The following MTX3 variants were observed in gnomAD, a reference collection of about 807,000 sequenced individuals.
The protein encoded by MTX3 is metaxin-3.
Under a neutral mutation model 42.5 loss-of-function variants are expected in MTX3, and 27 were observed. The ratio of observed to expected loss-of-function variants is 0.64; its 90% CI spans 0.47 to 0.88. MTX3 has a LOEUF of 0.88. MTX3 is among the 40% of genes least tolerant of loss of function. The pLI, the probability that MTX3 is intolerant of heterozygous loss-of-function variation, is 0.00. For synonymous variants in MTX3, 144 were observed against 132.9 expected (o/e 1.08, Z -0.57); for missense variants, 378 against 367.0 (o/e 1.03, Z -0.25).
rs767306273 is a variant in MTX3 at position 79,982,296 on chromosome 5, C to T, written c.*1388G>A. 4.3e-5 allele frequency: 18 copies of T among 419,982 alleles called. No homozygotes were observed. The highest frequency in any genetic ancestry group is 7.1e-5 in the Non-Finnish European group (15 of 210,060). 26.0% of individuals were successfully genotyped at this position (419,982 alleles called of 1,614,324 possible). On this transcript the variant is annotated 3_prime_UTR_variant, in exon 9 of 9. Transcript: ENST00000512528. ...TTAAAGACTCTTGTATAAATAACTA[C>T]CTAAATACAGAACAAATTGGGAGGA...
At position 79,980,545 on chromosome 5, in the gene MTX3, C is replaced by T. The variant is rs1831349970; in HGVS notation, c.*3139G>A. 1 of 143,704 alleles carries T rather than the reference C, an allele frequency of 7.0e-6. No homozygotes were observed. The highest frequency in any genetic ancestry group is 1.5e-5 in the Non-Finnish European group (1 of 66,124). 8.9% of individuals were successfully genotyped at this position (143,704 alleles called of 1,614,324 possible). A position where few individuals can be genotyped will look rare whatever the true frequency, so the allele number is the denominator to read the frequency against. On this transcript the variant is annotated 3_prime_UTR_variant, in exon 9 of 9. Coordinates refer to ENST00000512528, the MANE Select transcript of MTX3 (RefSeq NM_001363818.2). Reference sequence around the variant, plus strand: ...GAATGACCACCTTCAATGTTCTTTACAGCTTCTTTAGTGTTACTTAAAAAA... The same window carrying T: ...GAATGACCACCTTCAATGTTCTTTATAGCTTCTTTAGTGTTACTTAAAAAA...
Position 79,982,248 on chromosome 5 carries a change from C to A in MTX3, c.*1436G>T, listed in dbSNP as rs1306259291. 4 of 308,710 alleles carry A rather than the reference C, an allele frequency of 1.3e-5. No homozygotes were observed. The highest frequency in any genetic ancestry group is 2.6e-5 in the Non-Finnish European group (4 of 155,074). The allele number at this position is 308,710 out of a possible 1,614,324, so 19.1% of individuals were successfully genotyped here. ...TTATTTCTCACTTAGTTAAAACTTT[C>A]AAGAAAAAATATTTAGAATGACTTA... On this transcript the variant is annotated 3_prime_UTR_variant, in exon 9 of 9. Coordinates refer to ENST00000512528, the MANE Select transcript of MTX3 (RefSeq NM_001363818.2).
intron 6 of MTX3, among the ~76,000 whole-genome samples, chr5:79,987,424 G>C: frequency 8.7e-6 from 1 of 114,648 alleles, no homozygotes; most frequent in South Asian, 2.8e-4. Flanking sequence ...TGGGCAACAA[G>C]AGCAAGACTC....
chr5:79,988,180 A>T, intron 6 of MTX3, 59 bp downstream of exon 6: 2 of 957,096 alleles, frequency 2.1e-6, no homozygotes, highest in Non-Finnish European at 3.3e-6. Context: ...TGCTTTAAAT[A>T]GCTGCTCACT....
intron 7 of MTX3, chr5:79,986,595 G>A (rs1412882502): frequency 2.6e-6 from 1 of 378,670 alleles, no homozygotes; most frequent in Non-Finnish European, 5.1e-6. Context: ...ATCATTTAAA[G>A]TAATTGTCCA....
In MTX3 at chr5:79,983,802, A is replaced by G. The variant is rs1190298923; in HGVS notation, c.829-8T>C. 1.9e-6 allele frequency: 3 copies of G among 1,593,122 alleles called. No homozygotes were observed. The highest frequency in any genetic ancestry group is 2.6e-6 in the Non-Finnish European group (3 of 1,161,702). ...GCGAAGATTGTCATCCATCTGTAGAAAGTACAAAAGATACATCTGACTAAT... is the reference window on the plus strand; with the variant it reads ...GCGAAGATTGTCATCCATCTGTAGAGAGTACAAAAGATACATCTGACTAAT... On this transcript the variant is annotated splice_region_variant and splice_polypyrimidine_tract_variant and intron_variant, in intron 8 of 8. Transcript: ENST00000512528.
chr5:79,986,946 T>C lies in MTX3; in HGVS notation c.739+4A>G, dbSNP rs1360432544. 3 of 1,611,524 alleles carry C rather than the reference T, an allele frequency of 1.9e-6. No homozygotes were observed. Among genetic ancestry groups the C allele is most frequent in the Non-Finnish European group, 2.5e-6 (3 of 1,178,816 alleles). On this transcript the variant is annotated splice_donor_region_variant and intron_variant, in intron 7 of 8. Transcript: ENST00000512528. ...AAACATTAGCTGAAAAAGAGCCAGC[T>C]TACCTCCAAGACTAAGCCTAAAATA... is the stretch of plus-strand genomic sequence containing the variant.
chr5:79,987,297 G>A (rs1432318625), intron 6 of MTX3, among the ~76,000 whole-genome samples, 190 bp from the exon 7 acceptor site: 4 of 151,736 alleles, frequency 2.6e-5, no homozygotes, highest in East Asian at 1.9e-4. Context: ...AAAAGAAGTC[G>A]GGCGTGGTGG....
chr5:79,987,161 C>T (rs1831514027), intron 6 of MTX3, 54 bp from the exon 7 acceptor site: 56 of 1,545,420 alleles, frequency 3.6e-5, no homozygotes, highest in Non-Finnish European at 4.3e-5. Context: ...AACTGAAGGC[C>T]GGGTGTGGTG....
intron 2 of MTX3, 139 bp downstream of exon 2, chr5:79,990,455 G>T: frequency 1.4e-6 from 1 of 699,888 alleles, no homozygotes; most frequent in Non-Finnish European, 2.4e-6. Context: ...TACTCAGAAT[G>T]ATCAAACCAT....
In MTX3 at chr5:79,988,234, C is replaced by T. The variant is rs902055662; in HGVS notation, c.581+5G>A. 3 of 1,497,172 alleles carry T rather than the reference C, an allele frequency of 2.0e-6. No homozygotes were observed. Among genetic ancestry groups the T allele is most frequent in the Non-Finnish European group, 1.8e-6 (2 of 1,096,996 alleles). 92.7% of individuals were successfully genotyped at this position (1,497,172 alleles called of 1,614,324 possible). A position where few individuals can be genotyped will look rare whatever the true frequency, so the allele number is the denominator to read the frequency against. On this transcript the variant is annotated splice_donor_5th_base_variant and intron_variant, in intron 6 of 8. Transcript: ENST00000512528. Reference sequence around the variant, plus strand: ...TACCAAAATGATTTTTAAGGGAATACTCACGTATCTCCAAAGAAAAACTGA... The same window carrying T: ...TACCAAAATGATTTTTAAGGGAATATTCACGTATCTCCAAAGAAAAACTGA...
At chr5:79,991,072 A>G (rs1230485575) in intron 1 of MTX3, 86 bp downstream of exon 1, 1 of 1,325,912 alleles carries the variant, frequency 7.5e-7, no homozygotes, top group Non-Finnish European at 1.1e-6. Context: ...TGGACCCCGC[A>G]GCGCAGCGGG....
rs966817361 is a variant in MTX3, at chr5:79,980,374, T to C, written c.*3310A>G. On this transcript the variant is annotated 3_prime_UTR_variant, in exon 9 of 9. Coordinates refer to ENST00000512528, the MANE Select transcript of MTX3 (RefSeq NM_001363818.2). ...CTTCATGTTAATATATCTAGCAATATTGAATAGAAATTATAAATGGAAATA... is the reference window on the plus strand; with the variant it reads ...CTTCATGTTAATATATCTAGCAATACTGAATAGAAATTATAAATGGAAATA... 9 of 152,186 alleles carry C rather than the reference T, an allele frequency of 5.9e-5. No individual in the cohort carries two copies. The highest frequency in any genetic ancestry group is 1.0e-4 in the Non-Finnish European group (7 of 68,038). 9.4% of individuals were successfully genotyped at this position (152,186 alleles called of 1,614,324 possible).
intron 7 of MTX3, chr5:79,986,588 A>G: frequency 2.7e-6 from 1 of 366,440 alleles, no homozygotes; most frequent in Non-Finnish European, 5.3e-6. Context: ...GGTAAAAATC[A>G]TTTAAAGTAA....
In MTX3 at chr5:79,985,927, T is replaced by G. The variant is rs80086789; in HGVS notation, c.740-268A>C. Among the ~76,000 whole-genome samples, 80 of 53,388 alleles carry G rather than the reference T, an allele frequency of 1.5e-3. 1 individual carries two copies. The highest frequency in any genetic ancestry group is 6.9e-3 in the East Asian group (14 of 2,028). The allele number at this position is 53,388 out of a possible 152,430, so 35.0% of individuals were successfully genotyped here. ...CTGCAATTGGCCACAATAATTAGTT[T>G]TTTTTTTTTTTTGAAAAAAAAAGCA... On this transcript the variant is annotated intron_variant, in intron 7 of 8. Coordinates refer to ENST00000512528, the MANE Select transcript of MTX3 (RefSeq NM_001363818.2).
intron 2 of MTX3, 56 bp from the exon 3 acceptor site, chr5:79,990,292 T>C: frequency 1.7e-6 from 2 of 1,202,764 alleles, no homozygotes; most frequent in South Asian, 1.4e-5. Flanking sequence ...CTCTGAGAGA[T>C]TCCAATATCC....
intron 6 of MTX3, 114 bp from the exon 7 acceptor site, chr5:79,987,221 A>C: frequency 1.2e-6 from 1 of 825,258 alleles, no homozygotes; most frequent in South Asian, 1.9e-5. Context: ...GGGGCAGATC[A>C]CTTGAGGTCA....
At chr5:79,989,382 A>G (rs1163091798) in intron 3 of MTX3, 138 bp from the exon 4 acceptor site, 2 of 612,376 alleles carry the variant, frequency 3.3e-6, no homozygotes, top group East Asian at 5.6e-5. Flanking sequence ...AGAAATACAA[A>G]TCCAGTGAAA....
intron 4 of MTX3, among the ~76,000 whole-genome samples, 198 bp from the exon 5 acceptor site, chr5:79,988,842 A>G (rs879780003): frequency 1.3e-5 from 2 of 152,180 alleles, no homozygotes; most frequent in Admixed American, 6.5e-5. Flanking sequence ...AACACCCAGA[A>G]CAAGGCCTGA....
Sources: gnomAD v4.1 joint callset for allele counts (sites outside exome capture counted in the v4.1 genomes callset) on GRCh38, gnomAD v4.1.1 for gene constraint, MANE v1.5 for transcripts, NCBI Gene and HGNC (gene_info 2026-07-23, HGNC 2026-07-21) for gene names.